Variants in CNTNAP4 observed in about 807,000 individuals in gnomAD.
CNTNAP4 encodes the protein contactin associated protein family member 4, also known as contactin-associated protein-like 4.
Under a neutral mutation model 148.4 loss-of-function variants are expected in CNTNAP4, and 98 were observed. The observed-to-expected ratio is 0.66, with a 90% CI of 0.56 to 0.78. The LOEUF is 0.78. CNTNAP4 is among the 30% of genes least tolerant of loss of function. The pLI, the probability that CNTNAP4 is intolerant of heterozygous loss-of-function variation, is 0.00. For synonymous variants in CNTNAP4, 730 were observed against 565.1 expected (o/e 1.29, Z -4.14); for missense variants, 1,935 against 1,565.6 (o/e 1.24, Z -3.98).
At chr16:76,386,076 A>G (rs1027237221) in intron 3 of CNTNAP4, among the ~76,000 whole-genome samples, 17 of 152,242 alleles carry the variant, frequency 1.1e-4, no homozygotes, top group African/African-American at 4.1e-4. Flanking sequence ...TACGTTGGGC[A>G]GCCCAGAGTC....
chr16:76,350,085 A>T (rs1481158750), intron 2 of CNTNAP4, among the ~76,000 whole-genome samples: 1 of 152,130 alleles, frequency 6.6e-6, no homozygotes, highest in Non-Finnish European at 1.5e-5. Context: ...AGTCTTAAAC[A>T]TGATTCAGCC....
At chr16:76,480,512 G>A (rs2081787241) in intron 12 of CNTNAP4, among the ~76,000 whole-genome samples, 1 of 151,932 alleles carries the variant, frequency 6.6e-6, no homozygotes, top group African/African-American at 2.4e-5. Context: ...TTGGGAGGTG[G>A]GCAGATCATG....
chr16:76,494,783 A>T, intron 13 of CNTNAP4, 127 bp from the exon 14 acceptor site: 1 of 1,037,672 alleles, frequency 9.6e-7, no homozygotes, highest in African/African-American at 1.6e-5. Context: ...ATATCCTTAA[A>T]TCCAATCAAT....
At chr16:76,412,420 A>G (rs2078831796) in intron 3 of CNTNAP4, among the ~76,000 whole-genome samples, 1 of 151,408 alleles carries the variant, frequency 6.6e-6, no homozygotes, top group Non-Finnish European at 1.5e-5. Context: ...TTTTAGTAGA[A>G]AATGCAAACT....
chr16:76,380,523 C>G (rs1470511708), intron 3 of CNTNAP4, among the ~76,000 whole-genome samples: 1 of 152,064 alleles, frequency 6.6e-6, no homozygotes, highest in African/African-American at 2.4e-5. Context: ...CTGCATTTTT[C>G]CCCATTTTAA....
intron 12 of CNTNAP4, among the ~76,000 whole-genome samples, chr16:76,486,120 CA>C (rs1271339313): frequency 6.6e-6 from 1 of 152,176 alleles, no homozygotes; most frequent in African/African-American, 2.4e-5. Flanking sequence ...GAAATCTCTT[CA>C]GGGGGAGACG....
At chr16:76,319,080 G>A (rs1438558293) in intron 2 of CNTNAP4, among the ~76,000 whole-genome samples, 1 of 152,000 alleles carries the variant, frequency 6.6e-6, no homozygotes. Flanking sequence ...CTAGTAATGA[G>A]GGAAGGGGAT....
chr16:76,515,434 C>A (rs1173455811), intron 15 of CNTNAP4, among the ~76,000 whole-genome samples: 1 of 152,058 alleles, frequency 6.6e-6, no homozygotes, highest in Non-Finnish European at 1.5e-5. Flanking sequence ...CACCAGAGAC[C>A]CCACTCTCTG....
chr16:76,307,528 A>G (rs966319284), intron 1 of CNTNAP4, among the ~76,000 whole-genome samples: 2 of 130,008 alleles, frequency 1.5e-5, no homozygotes, highest in African/African-American at 6.3e-5. Context: ...ATATATATAT[A>G]TATATATATA....
intron 2 of CNTNAP4, among the ~76,000 whole-genome samples, chr16:76,320,758 A>G (rs1263595961): frequency 6.6e-6 from 1 of 152,200 alleles, no homozygotes; most frequent in African/African-American, 2.4e-5. Context: ...TGGAGAAACC[A>G]CATCTTTTAT....
intron 3 of CNTNAP4, among the ~76,000 whole-genome samples, chr16:76,411,064 A>G (rs1339838166): frequency 6.6e-6 from 1 of 151,510 alleles, no homozygotes; most frequent in African/African-American, 2.4e-5. Flanking sequence ...ATCATTATTA[A>G]TATACATTAA....
At chr16:76,541,063 C>A (rs2084432360) in intron 21 of CNTNAP4, among the ~76,000 whole-genome samples, 2 of 152,102 alleles carry the variant, frequency 1.3e-5, no homozygotes, top group South Asian at 4.1e-4. Context: ...ATTATTCTCA[C>A]ATTTCAAAAA....
At chr16:76,402,178 G>GGTC (rs928712834) in intron 3 of CNTNAP4, among the ~76,000 whole-genome samples, 1 of 151,928 alleles carries the variant, frequency 6.6e-6, no homozygotes, top group African/African-American at 2.4e-5. Context: ...GGCCCTTTTT[G>GGTC]GTCGGTAGGC....
intron 4 of CNTNAP4, 22 bp from the exon 5 acceptor site, chr16:76,447,990 C>G (rs751512138): frequency 6.5e-6 from 10 of 1,543,276 alleles, no homozygotes; most frequent in Non-Finnish European, 7.2e-6. Flanking sequence ...CTTAGAATGC[C>G]TTCTACTATC....
rs1322376302 is a variant in CNTNAP4, at chr16:76,553,498, G to T, written c.3658G>T (p.Ala1220Ser). The T allele has an allele frequency of 3.1e-6, 5 of 1,606,438 alleles. No individual in the cohort carries two copies. Among genetic ancestry groups the T allele is most frequent in the Non-Finnish European group, 4.3e-6 (5 of 1,175,426 alleles). ...ATCAAGGGAAAGGACACACTCGTTTGCAGGTGACTTAGAGTTCTTCCTCTA... is the reference window on the plus strand; with the variant it reads ...ATCAAGGGAAAGGACACACTCGTTTTCAGGTGACTTAGAGTTCTTCCTCTA... ...ATSRERTHSF[A>S]DHSGTIDDRE... Residue 1220 changes from alanine (A) to serine (S), a missense_variant, in exon 22 of 24, where the codon GCA becomes TCA. By Grantham distance (99) the Ala-to-Ser change is moderately conservative. Coordinates refer to ENST00000611870, the MANE Select transcript of CNTNAP4 (RefSeq NM_033401.5).
At chr16:76,397,512 G>C (rs2078243156) in intron 3 of CNTNAP4, among the ~76,000 whole-genome samples, 2 of 151,990 alleles carry the variant, frequency 1.3e-5, no homozygotes, top group South Asian at 2.1e-4. Flanking sequence ...GCACACATCA[G>C]ATACGCAGTG....
At chr16:76,349,795 C>G (rs1965221948) in intron 2 of CNTNAP4, among the ~76,000 whole-genome samples, 2 of 152,054 alleles carry the variant, frequency 1.3e-5, no homozygotes, top group South Asian at 4.2e-4. Flanking sequence ...CATCTGTGTC[C>G]TTTTACACTT....
At chr16:76,331,297 C>T (rs1358273498) in intron 2 of CNTNAP4, among the ~76,000 whole-genome samples, 1 of 151,982 alleles carries the variant, frequency 6.6e-6, no homozygotes, top group Non-Finnish European at 1.5e-5. Flanking sequence ...ACACCATTGT[C>T]CTGTCTCAGC....
chr16:76,368,819 A>G (rs2144608603), intron 3 of CNTNAP4, among the ~76,000 whole-genome samples: 1 of 152,284 alleles, frequency 6.6e-6, no homozygotes, highest in South Asian at 2.1e-4. Context: ...CTTAAGTATA[A>G]TAAAAAAATA....
Sources: gnomAD v4.1 joint callset for allele counts (sites outside exome capture counted in the v4.1 genomes callset) on GRCh38, gnomAD v4.1.1 for gene constraint, MANE v1.5 for transcripts, NCBI Gene and HGNC (gene_info 2026-07-23, HGNC 2026-07-21) for gene names.